RIMBP2: variants seen among roughly 807,000 people sequenced by gnomAD.
RIMBP2 encodes RIMS binding protein 2.
A neutral mutation model predicts 118.6 loss-of-function variants in RIMBP2; 48 were observed. That is an observed-to-expected ratio of 0.40 (90% confidence interval 0.32 to 0.51). The LOEUF (loss-of-function observed/expected upper bound fraction) is 0.51. Among genes scored for constraint, RIMBP2 ranks in the 20% least tolerant of loss-of-function variants. The pLI is 0.41. For missense variants in RIMBP2, 1,551 were observed against 1,768.3 expected, an observed-to-expected ratio of 0.88 and a Z score of 2.20; for synonymous variants, 762 against 742.9, an observed-to-expected ratio of 1.03 and a Z score of -0.42.
intron 1 of RIMBP2, among the ~76,000 whole-genome samples, chr12:130,665,574 T>G (rs2063883636): frequency 6.6e-6 from 1 of 151,488 alleles, no homozygotes; most frequent in East Asian, 1.9e-4. Flanking sequence ...CAAATCTAAT[T>G]GTGAGGAAAC....
intron 1 of RIMBP2, among the ~76,000 whole-genome samples, chr12:130,709,964 C>T (rs772908927): frequency 2.0e-5 from 3 of 152,240 alleles, no homozygotes; most frequent in Admixed American, 6.5e-5. Context: ...GAGGACCTTC[C>T]ACCCAAAGGG....
chr12:130,438,409 C>T lies in RIMBP2; in HGVS notation c.1612G>A (p.Gly538Ser). 1 of 1,611,548 alleles carries T rather than the reference C, an allele frequency of 6.2e-7. No individual in the cohort carries two copies. The highest frequency in any genetic ancestry group is 8.5e-7 in the Non-Finnish European group (1 of 1,178,662). Reference protein sequence around the residue: ...PVLTPTGLSNGANVTGYGVYA... With the variant: ...PVLTPTGLSNSANVTGYGVYA... ...ACGCCGTAGCCGGTAACGTTTGCGC[C>T]ATTGGACAGCCCGGTGGGCGTCAGC... The change falls in exon 12 of 23, where the codon GGC becomes AGC. Residue 538 changes from glycine to serine, a missense_variant. Physicochemically the swap from Gly to Ser is moderately conservative, Grantham distance 56 (BLOSUM62 0). Transcript: ENST00000690449.
In RIMBP2 at chr12:130,683,803, T is replaced by C. The variant is rs1282267910; in HGVS notation, c.-352+32419A>G. 6.6e-6 allele frequency among the ~76,000 whole-genome samples: 1 copy of C among 152,158 alleles called. No homozygotes were observed. Among genetic ancestry groups the C allele is most frequent in the Non-Finnish European group, 1.5e-5 (1 of 68,024 alleles). ...GTCTAGAAAGGGGAGGTAAGAATAATCCACCCCTTGTTTAGCATATAATTA... is the reference window on the plus strand; with the variant it reads ...GTCTAGAAAGGGGAGGTAAGAATAACCCACCCCTTGTTTAGCATATAATTA... On this transcript the variant is annotated intron_variant, in intron 1 of 22. Coordinates refer to ENST00000690449, the MANE Select transcript of RIMBP2 (RefSeq NM_001393629.1). This position sits in a 1 kb window ranked among gnomAD's most constrained non-coding sequence, Gnocchi z 4.4.
intron 5 of RIMBP2, 79 bp from the exon 6 acceptor site, chr12:130,470,822 G>A (rs2080940644): frequency 1.4e-6 from 1 of 722,494 alleles, no homozygotes; most frequent in East Asian, 3.4e-5. Flanking sequence ...CTGAATCACT[G>A]GGGGTGGGGG....
intron 2 of RIMBP2, among the ~76,000 whole-genome samples, chr12:130,544,770 T>C (rs919823585): frequency 1.3e-5 from 2 of 151,988 alleles, no homozygotes; most frequent in African/African-American, 2.4e-5. Flanking sequence ...CCGCTATTTT[T>C]TTAGTAGAGA....
At chr12:130,399,177 T>G in intron 22 of RIMBP2, 1 of 1,352,198 alleles carries the variant, frequency 7.4e-7, no homozygotes, top group Non-Finnish European at 9.6e-7. Context: ...TCCAAGCAGA[T>G]GAGCAAAGAA....
At chr12:130,565,326 C>G (rs1364596997) in intron 2 of RIMBP2, among the ~76,000 whole-genome samples, 3 of 152,044 alleles carry the variant, frequency 2.0e-5, no homozygotes. Flanking sequence ...AAATGGGAAA[C>G]AGGGTATGGA....
chr12:130,664,465 A>ACACACACGCACACGCACGCACACACG (rs74195662), intron 1 of RIMBP2, among the ~76,000 whole-genome samples: 1 of 122,634 alleles, frequency 8.2e-6, no homozygotes, highest in African/African-American at 2.9e-5. Flanking sequence ...ATGCACGCAC[A>ACACACACGCACACGCACGCACACACG]CACACGCACG....
chr12:130,688,911 C>T lies in RIMBP2; in HGVS notation c.-352+27311G>A, dbSNP rs555885973. Among the ~76,000 whole-genome samples the T allele has an allele frequency of 5.3e-5, 8 of 152,380 alleles. No individual in the cohort carries two copies. The South Asian group carries it at 1.7e-3, about 32-fold the overall frequency. On this transcript the variant is annotated intron_variant, in intron 1 of 22. Coordinates refer to ENST00000690449, the MANE Select transcript of RIMBP2 (RefSeq NM_001393629.1). The surrounding 1 kb of genome is among the most constrained non-coding windows in gnomAD (Gnocchi z 4.7). Reference sequence around the variant, plus strand: ...GGCAGCCCACCCCACTCTTGCCCAGCAGAACTGGAGCGAAGGTCGGTCGCA... The same window carrying T: ...GGCAGCCCACCCCACTCTTGCCCAGTAGAACTGGAGCGAAGGTCGGTCGCA...
intron 2 of RIMBP2, among the ~76,000 whole-genome samples, chr12:130,558,995 T>C (rs1398146525): frequency 1.3e-5 from 2 of 152,250 alleles, no homozygotes; most frequent in Non-Finnish European, 2.9e-5. Context: ...TCTCAACTTC[T>C]GATGATTTTA....
chr12:130,439,244 G>A lies in RIMBP2; in HGVS notation c.1505-728C>T, dbSNP rs150683004. On this transcript the variant is annotated intron_variant, in intron 11 of 22. Coordinates refer to ENST00000690449, the MANE Select transcript of RIMBP2 (RefSeq NM_001393629.1). ...TGTTTGTGTGTAGATGTATATGTATGTATGTATATGTACATGTGTATGTGT... is the reference window on the plus strand; with the variant it reads ...TGTTTGTGTGTAGATGTATATGTATATATGTATATGTACATGTGTATGTGT... Among the ~76,000 whole-genome samples the A allele has an allele frequency of 1.3e-3, 196 of 151,902 alleles. 2 individuals are homozygous for A. The highest frequency in any genetic ancestry group is 3.4e-4 in the Non-Finnish European group (23 of 67,958).
chr12:130,595,585 A>G (rs2059509901), intron 2 of RIMBP2, among the ~76,000 whole-genome samples: 2 of 152,026 alleles, frequency 1.3e-5, no homozygotes. Flanking sequence ...TAAAAATAAA[A>G]ATAAAAAACT....
At chr12:130,457,383 A>T (rs1347733443) in intron 6 of RIMBP2, among the ~76,000 whole-genome samples, 1 of 152,164 alleles carries the variant, frequency 6.6e-6, no homozygotes, top group Admixed American at 6.5e-5. Context: ...GGGGTAGCCC[A>T]GCAAACTCCT....
chr12:130,457,354 C>G (rs2079544334), intron 6 of RIMBP2, among the ~76,000 whole-genome samples: 1 of 152,302 alleles, frequency 6.6e-6, no homozygotes, highest in Admixed American at 6.5e-5. Context: ...GCGTCTCCCC[C>G]AGGGACACGC....
chr12:130,659,462 C>CG (rs35672225), intron 1 of RIMBP2, among the ~76,000 whole-genome samples: 78,488 of 150,792 alleles, frequency 0.52, 21,380 homozygotes, highest in Non-Finnish European at 0.62. Context: ...CCCAGCTACT[C>CG]GGAGGCTGAG....
intron 17 of RIMBP2, chr12:130,414,577 A>AC: frequency 3.4e-6 from 1 of 293,302 alleles, no homozygotes; most frequent in Admixed American, 4.7e-5. Context: ...CAGAGAGCAC[A>AC]GGCTGGGGCA....
intron 1 of RIMBP2, chr12:130,668,406 T>C (rs568052254): frequency 2.6e-5 from 4 of 152,300 alleles, no homozygotes; most frequent in African/African-American, 9.6e-5. Context: ...GCACAGAACG[T>C]CTGCAGAGTG....
At chr12:130,479,226 C>A (rs1434639711) in intron 4 of RIMBP2, among the ~76,000 whole-genome samples, 1 of 152,246 alleles carries the variant, frequency 6.6e-6, no homozygotes, top group African/African-American at 2.4e-5. Flanking sequence ...ACAAGCCCCC[C>A]ACCTGCCACT....
rs2074124036 is a variant in RIMBP2 at position 130,397,084 on chromosome 12, T to TGATA, written c.*273_*276dup. ...TTACAGGTAGGGAGGGAGCTACAGG[T>TGATA]GATAGCTATGCGCCCCCGTTTGTTA... On this transcript the variant is annotated 3_prime_UTR_variant, in exon 23 of 23. Coordinates refer to ENST00000690449, the MANE Select transcript of RIMBP2 (RefSeq NM_001393629.1). 1 of 241,412 alleles carries TGATA rather than the reference T, an allele frequency of 4.1e-6. No homozygotes were observed. The highest frequency in any genetic ancestry group is 7.7e-5 in the East Asian group (1 of 13,026). 15.0% of individuals were successfully genotyped at this position (241,412 alleles called of 1,614,324 possible). A position where few individuals can be genotyped will look rare whatever the true frequency, so the allele number is the denominator to read the frequency against.
Sources: allele counts gnomAD v4.1 joint callset (sites outside exome capture counted in the v4.1 genomes callset), GRCh38; gene constraint gnomAD v4.1.1; non-coding constraint Gnocchi (gnomAD v3.1); transcripts MANE v1.5; gene names NCBI Gene and HGNC (gene_info 2026-07-23, HGNC 2026-07-21).